GALNT17: variants seen among roughly 807,000 people sequenced by gnomAD.
GALNT17 encodes the protein polypeptide N-acetylgalactosaminyltransferase 17.
GALNT17 carries 29 observed loss-of-function variants against 63.7 expected under a neutral mutation model. The observed-to-expected ratio is 0.46, with a 90% confidence interval of 0.34 to 0.62. The LOEUF is 0.62. Ranked by LOEUF, GALNT17 falls within the 20% of genes least tolerant of loss-of-function variation. GALNT17 has a pLI of 0.01. For missense variants in GALNT17, 603 were observed against 799.6 expected (o/e 0.75, Z 2.97); for synonymous variants, 305 against 318.3 (o/e 0.96, Z 0.45).
intron 9 of GALNT17, among the ~76,000 whole-genome samples, chr7:71,692,799 C>T (rs1415728139): frequency 1.3e-5 from 2 of 150,494 alleles, no homozygotes; most frequent in East Asian, 2.0e-4. Context: ...AGTGCAGTGG[C>T]GTGATCTCAG....
intron 6 of GALNT17, among the ~76,000 whole-genome samples, chr7:71,601,591 G>A (rs1019319029): frequency 1.3e-5 from 2 of 151,994 alleles, no homozygotes; most frequent in Admixed American, 1.3e-4. Context: ...AGACCAGCCT[G>A]GGCAACACAG....
intron 1 of GALNT17, among the ~76,000 whole-genome samples, chr7:71,146,909 A>G (rs1401127595): frequency 6.6e-6 from 1 of 152,158 alleles, no homozygotes; most frequent in Non-Finnish European, 1.5e-5. Flanking sequence ...ACAGGGTTCC[A>G]GAAGGACTTC....
At chr7:71,148,892 ATG>A (rs1491571456) in intron 1 of GALNT17, among the ~76,000 whole-genome samples, 4 of 141,768 alleles carry the variant, frequency 2.8e-5, no homozygotes, top group Non-Finnish European at 6.1e-5. Flanking sequence ...ATATATATAT[ATG>A]TATACCATAG....
At position 71,144,762 on chromosome 7, in the gene GALNT17, C is replaced by T. The variant is rs189168936; in HGVS notation, c.238+11722C>T. On this transcript the variant is annotated intron_variant, in intron 1 of 10. Coordinates refer to ENST00000333538, the MANE Select transcript of GALNT17 (RefSeq NM_022479.3). ...TTGTTTTGTTTTTGATGGAGTCTCT[C>T]TCTCTTTCACAGGCTGGAGTGCAGT... 7.6e-4 allele frequency among the ~76,000 whole-genome samples: 116 copies of T among 152,176 alleles called. 1 individual carries two copies. The highest frequency in any genetic ancestry group is 2.7e-3 in the African/African-American group (113 of 41,522).
chr7:71,503,702 A>C (rs1037694974), intron 5 of GALNT17, among the ~76,000 whole-genome samples: 2 of 152,230 alleles, frequency 1.3e-5, no homozygotes, highest in African/African-American at 2.4e-5. Flanking sequence ...GTTATTGTCC[A>C]GGGGTAATTC....
At chr7:71,470,491 A>T (rs1787609856) in intron 5 of GALNT17, among the ~76,000 whole-genome samples, 1 of 151,990 alleles carries the variant, frequency 6.6e-6, no homozygotes, top group Admixed American at 6.6e-5. Context: ...TCTTTCCATT[A>T]CTCATACACA....
At chr7:71,638,908 A>G (rs1407032508) in intron 6 of GALNT17, among the ~76,000 whole-genome samples, 2 of 152,136 alleles carry the variant, frequency 1.3e-5, no homozygotes, top group East Asian at 3.8e-4. Flanking sequence ...GGACACAGAG[A>G]GTAGGATGGT....
rs117690323 is a variant in GALNT17 at position 71,260,067 on chromosome 7, G to A, written c.239-75483G>A. Among the ~76,000 whole-genome samples, 129 of 152,238 alleles carry A rather than the reference G, an allele frequency of 8.5e-4. 1 individual carries two copies. The highest frequency in any genetic ancestry group is 3.9e-3 in the South Asian group (19 of 4,814). ...GCAGGAATTTTATATACAAAAAGGA[G>A]TTGCTTTGTCCCATGTGGACTTGGA... On this transcript the variant is annotated intron_variant, in intron 1 of 10. Transcript: ENST00000333538.
intron 6 of GALNT17, among the ~76,000 whole-genome samples, chr7:71,585,914 C>T (rs1367172655): frequency 4.3e-5 from 6 of 137,968 alleles, no homozygotes; most frequent in South Asian, 2.3e-4. Context: ...TTCCTGATTT[C>T]TTTTTTTTTT....
At chr7:71,673,302 G>T (rs747601323) in intron 8 of GALNT17, among the ~76,000 whole-genome samples, 6 of 152,226 alleles carry the variant, frequency 3.9e-5, no homozygotes, top group East Asian at 3.9e-4. Flanking sequence ...GAGATTAGTT[G>T]AATGTAATGC....
chr7:71,652,994 T>TTTTG (rs972236074), intron 6 of GALNT17, among the ~76,000 whole-genome samples: 6 of 104,930 alleles, frequency 5.7e-5, no homozygotes, highest in Admixed American at 2.4e-4. Flanking sequence ...AGGGAAGGGT[T>TTTTG]TTTGTTTGTT....
chr7:71,184,622 T>G (rs951645727), intron 1 of GALNT17, among the ~76,000 whole-genome samples: 1 of 152,160 alleles, frequency 6.6e-6, no homozygotes, highest in African/African-American at 2.4e-5. Context: ...TAGACTTCCC[T>G]TCCTCTCTCC....
intron 1 of GALNT17, among the ~76,000 whole-genome samples, chr7:71,321,943 CCCTT>C (rs150369774): frequency 2.1e-5 from 1 of 47,636 alleles, no homozygotes; most frequent in South Asian, 9.5e-4. Context: ...CTCCCTCCCT[CCCTT>C]CCTTCCTTCC....
intron 1 of GALNT17, among the ~76,000 whole-genome samples, chr7:71,197,850 TGATG>T (rs1166254806): frequency 2.0e-5 from 3 of 152,090 alleles, no homozygotes; most frequent in Admixed American, 6.6e-5. Context: ...ATTCATCTGT[TGATG>T]GATGATTATG....
At chr7:71,284,854 C>T (rs1231671686) in intron 1 of GALNT17, among the ~76,000 whole-genome samples, 1 of 151,120 alleles carries the variant, frequency 6.6e-6, no homozygotes, top group Admixed American at 6.6e-5. Context: ...AAAATCATTG[C>T]ATTTGTTTTT....
At chr7:71,705,411 G>T (rs897537493) in intron 9 of GALNT17, among the ~76,000 whole-genome samples, 1 of 152,158 alleles carries the variant, frequency 6.6e-6, no homozygotes, top group Admixed American at 6.6e-5. Flanking sequence ...TTCATTGCTG[G>T]TGGGAGTGTA....
intron 1 of GALNT17, among the ~76,000 whole-genome samples, chr7:71,213,417 A>G (rs1352996616): frequency 6.6e-6 from 1 of 151,972 alleles, no homozygotes; most frequent in Non-Finnish European, 1.5e-5. Flanking sequence ...ACACTTGGCA[A>G]TTGGTATTTA....
intron 5 of GALNT17, among the ~76,000 whole-genome samples, chr7:71,486,885 G>A (rs1358850659): frequency 2.0e-5 from 3 of 150,838 alleles, no homozygotes; most frequent in Admixed American, 6.6e-5. Flanking sequence ...AAAAAAAAAC[G>A]CACTTCTTGC....
intron 5 of GALNT17, among the ~76,000 whole-genome samples, chr7:71,499,382 G>A (rs530638660): frequency 8.5e-5 from 13 of 152,138 alleles, no homozygotes; most frequent in Non-Finnish European, 1.0e-4. Flanking sequence ...GCAACATAGC[G>A]AGACCTCCAT....
Sources: gnomAD v4.1 joint callset for allele counts (sites outside exome capture counted in the v4.1 genomes callset) on GRCh38, gnomAD v4.1.1 for gene constraint, MANE v1.5 for transcripts, NCBI Gene and HGNC (gene_info 2026-07-23, HGNC 2026-07-21) for gene names.